Variants in ATP9A observed in about 807,000 individuals in gnomAD.
The protein encoded by ATP9A is probable phospholipid-transporting ATPase IIA.
In ATP9A, 52 loss-of-function variants were observed where a neutral mutation model predicts 144.1. The observed-to-expected ratio is 0.36, with a 90% CI of 0.29 to 0.45. The LOEUF is 0.45. ATP9A is among the 20% of genes least tolerant of loss of function. The probability of loss-of-function intolerance (pLI) is 1.00; values close to 1 mark genes in which losing one functional copy is unlikely to be tolerated. For synonymous variants in ATP9A, 582 were observed against 557.4 expected (o/e 1.04, Z -0.62); for missense variants, 947 against 1,392.7 (o/e 0.68, Z 5.09).
chr20:51,626,504 A>AG (rs930603154), intron 17 of ATP9A, among the ~76,000 whole-genome samples: 28 of 151,722 alleles, frequency 1.8e-4, no homozygotes, highest in African/African-American at 5.1e-4. Flanking sequence ...TAAAAAAAAA[A>AG]AAAAGAAAAG....
At chr20:51,697,264 T>C (rs1207553693) in intron 5 of ATP9A, among the ~76,000 whole-genome samples, 160 bp downstream of exon 5, 2 of 151,938 alleles carry the variant, frequency 1.3e-5, no homozygotes, top group Non-Finnish European at 2.9e-5. Flanking sequence ...TGTGTGTGTG[T>C]GTCTGTCTGT....
intron 1 of ATP9A, among the ~76,000 whole-genome samples, chr20:51,735,831 T>G (rs951453615): frequency 7.9e-5 from 12 of 152,264 alleles, no homozygotes; most frequent in Non-Finnish European, 1.5e-5. Flanking sequence ...GCTTCCTTTT[T>G]GTCACTCCTC....
chr20:51,684,649 T>G (rs538733876), intron 9 of ATP9A, among the ~76,000 whole-genome samples: 30 of 137,636 alleles, frequency 2.2e-4, no homozygotes, highest in African/African-American at 7.8e-4. Context: ...TGAGCCGAGA[T>G]CGCACCGCTG....
Position 51,696,076 on chromosome 20 carries a change from T to C in ATP9A, c.547+17A>G. On this transcript the variant is annotated intron_variant, in intron 6 of 27. Coordinates refer to ENST00000338821, the MANE Select transcript of ATP9A (RefSeq NM_006045.3). ...AAAGGTTAATGGTTATTTTCCAAAT[T>C]GATCTCAGATGTTTACCGTTTTTTT... 2 of 1,607,342 alleles carry C rather than the reference T, an allele frequency of 1.2e-6. No homozygotes were observed. The highest frequency in any genetic ancestry group is 1.7e-6 in the Non-Finnish European group (2 of 1,173,870).
intron 4 of ATP9A, among the ~76,000 whole-genome samples, chr20:51,705,627 T>G (rs1024164153): frequency 1.7e-4 from 26 of 152,324 alleles, no homozygotes; most frequent in African/African-American, 6.3e-4. Context: ...ATTTAGTCCT[T>G]GATCAGAAGT....
intron 1 of ATP9A, among the ~76,000 whole-genome samples, chr20:51,754,552 C>G (rs1184022969): frequency 6.6e-6 from 1 of 152,074 alleles, no homozygotes; most frequent in Non-Finnish European, 1.5e-5. Flanking sequence ...GTGGCACAGG[C>G]CTGTATTCCC....
intron 14 of ATP9A, among the ~76,000 whole-genome samples, chr20:51,656,219 C>CAA (rs11476943): frequency 3.5e-5 from 5 of 143,806 alleles, no homozygotes; most frequent in African/African-American, 1.3e-4. Flanking sequence ...ATGATGGTTG[C>CAA]AAAAAAAAAA....
intron 18 of ATP9A, among the ~76,000 whole-genome samples, chr20:51,622,700 G>A (rs2077231854): frequency 6.6e-6 from 1 of 152,184 alleles, no homozygotes; most frequent in Non-Finnish European, 1.5e-5. Flanking sequence ...TTTCTCTGCT[G>A]TGGGCTCAGA....
At chr20:51,635,764 A>G (rs1230064033) in intron 15 of ATP9A, among the ~76,000 whole-genome samples, 21 of 123,872 alleles carry the variant, frequency 1.7e-4, no homozygotes, top group Non-Finnish European at 3.0e-4. Context: ...AAGAGAAGAG[A>G]AAAGAAAAGA....
At position 51,768,390 on chromosome 20, in the gene ATP9A, T is replaced by C. The variant is rs949390060; in HGVS notation, c.-21A>G. 2.7e-6 allele frequency: 3 copies of C among 1,104,992 alleles called. No individual in the cohort carries two copies. Among genetic ancestry groups the C allele is most frequent in the African/African-American group, 3.4e-5 (2 of 59,472 alleles). 68.4% of individuals were successfully genotyped at this position (1,104,992 alleles called of 1,614,324 possible). Reference sequence around the variant, plus strand: ...GTCATGTCGGCGGCGCCGCCCGCCTTGGCCGCCGCGCCCCCCGCGCCGCCT... The same window carrying C: ...GTCATGTCGGCGGCGCCGCCCGCCTCGGCCGCCGCGCCCCCCGCGCCGCCT... On this transcript the variant is annotated 5_prime_UTR_variant, in exon 1 of 28. Coordinates refer to ENST00000338821, the MANE Select transcript of ATP9A (RefSeq NM_006045.3).
Position 51,747,005 on chromosome 20 carries a change from C to CA in ATP9A, c.69-17028dup, listed in dbSNP as rs557476487. ...TGGGCAACAGAGCGAGACTCCGTCT[C>CA]AAAAAAAAGAGAAAAGAAAAAGGAG... On this transcript the variant is annotated intron_variant, in intron 1 of 27. Coordinates refer to ENST00000338821, the MANE Select transcript of ATP9A (RefSeq NM_006045.3). 8.2e-3 allele frequency among the ~76,000 whole-genome samples: 1,188 copies of CA among 144,510 alleles called. 6 individuals carry two copies. The highest frequency in any genetic ancestry group is 0.026 in the Middle Eastern group (7 of 270). The allele number at this position is 144,510 out of a possible 152,430, so 94.8% of individuals were successfully genotyped here.
chr20:51,652,488 G>A (rs1303166918), intron 14 of ATP9A, among the ~76,000 whole-genome samples: 1 of 152,178 alleles, frequency 6.6e-6, no homozygotes, highest in Non-Finnish European at 1.5e-5. Flanking sequence ...TATTGATATT[G>A]AATTTCAAAG....
chr20:51,643,878 G>A (rs1198757429), intron 14 of ATP9A, among the ~76,000 whole-genome samples: 4 of 152,178 alleles, frequency 2.6e-5, no homozygotes, highest in African/African-American at 9.7e-5. Context: ...GCTCATGTCT[G>A]TAATCCCAGC....
At chr20:51,613,234 A>G (rs530728317) in intron 23 of ATP9A, among the ~76,000 whole-genome samples, 10 of 152,346 alleles carry the variant, frequency 6.6e-5, no homozygotes, top group Admixed American at 5.2e-4. Flanking sequence ...TTACCTCTGC[A>G]AAAGGTGAAA....
intron 4 of ATP9A, among the ~76,000 whole-genome samples, chr20:51,711,086 C>T (rs768008843): frequency 2.6e-5 from 4 of 152,104 alleles, no homozygotes; most frequent in Admixed American, 2.0e-4. Context: ...TGACTACTCA[C>T]GCAGAAAGCC....
intron 1 of ATP9A, among the ~76,000 whole-genome samples, chr20:51,733,419 G>A (rs2122879109): frequency 6.6e-6 from 1 of 152,026 alleles, no homozygotes; most frequent in South Asian, 2.1e-4. Flanking sequence ...TGTTGCCCAG[G>A]CTAGAGAGCA....
At chr20:51,687,205 C>A (rs1052512999) in intron 9 of ATP9A, among the ~76,000 whole-genome samples, 1 of 126,152 alleles carries the variant, frequency 7.9e-6, no homozygotes, top group Non-Finnish European at 1.6e-5. Context: ...TGTGCCCAGG[C>A]GTGGCCCAGG....
chr20:51,726,068 C>T, intron 2 of ATP9A, 136 bp from the exon 3 acceptor site: 1 of 632,358 alleles, frequency 1.6e-6, no homozygotes, highest in Non-Finnish European at 2.8e-6. Context: ...AATCCCAGAA[C>T]TTTGGGAGGC....
chr20:51,718,159 G>T (rs138335041), intron 3 of ATP9A, among the ~76,000 whole-genome samples: 2 of 152,096 alleles, frequency 1.3e-5, no homozygotes, highest in African/African-American at 2.4e-5. Context: ...GCAGGGAGAC[G>T]GAGAGACACA....
Sources: allele counts gnomAD v4.1 joint callset (sites outside exome capture counted in the v4.1 genomes callset), GRCh38; gene constraint gnomAD v4.1.1; transcripts MANE v1.5; gene names NCBI Gene and HGNC (gene_info 2026-07-23, HGNC 2026-07-21).